Variants in PRKCH observed in about 807,000 individuals in gnomAD.
PRKCH encodes the protein protein kinase C eta, also known as protein kinase C eta type.
A neutral mutation model predicts 82.5 loss-of-function variants in PRKCH; 28 were observed. The observed-to-expected ratio is 0.34, with a 90% confidence interval of 0.25 to 0.47. The LOEUF (loss-of-function observed/expected upper bound fraction) is 0.47, where lower values mean the gene tolerates loss of function less well. Among genes scored for constraint, PRKCH ranks in the 20% least tolerant of loss-of-function variants. The pLI is 1.00. For missense variants in PRKCH, 705 were observed against 881.8 expected, an observed-to-expected ratio of 0.80 and a Z score of 2.54; for synonymous variants, 322 against 327.4, an observed-to-expected ratio of 0.98 and a Z score of 0.18.
chr14:61,275,060 G>A (rs1009752052), intron 1 of PRKCH, among the ~76,000 whole-genome samples: 1 of 152,112 alleles, frequency 6.6e-6, no homozygotes, highest in African/African-American at 2.4e-5. Flanking sequence ...AATAGGAAAT[G>A]TTTCCTTTCC....
chr14:61,316,962 A>AAAGTG (rs530354019), upstream of PRKCH, among the ~76,000 whole-genome samples: 2 of 152,272 alleles, frequency 1.3e-5, no homozygotes, highest in South Asian at 4.2e-4. Context: ...AAGGAGACAA[A>AAAGTG]AAGTGCTTGA....
chr14:61,259,858 G>A (rs1395121424), intron 1 of PRKCH, among the ~76,000 whole-genome samples: 1 of 152,082 alleles, frequency 6.6e-6, no homozygotes, highest in African/African-American at 2.4e-5. Flanking sequence ...ATGTCTGAAA[G>A]GTTAAAATCA....
chr14:61,548,476 G>A (rs984163605), intron 13 of PRKCH, among the ~76,000 whole-genome samples: 1 of 152,204 alleles, frequency 6.6e-6, no homozygotes, highest in African/African-American at 2.4e-5. Context: ...GCGTGGTCCC[G>A]CTTGTGGTCT....
chr14:61,478,147 T>G (rs1346609636), intron 9 of PRKCH, among the ~76,000 whole-genome samples: 1 of 152,252 alleles, frequency 6.6e-6, no homozygotes, highest in Non-Finnish European at 1.5e-5. Context: ...TGCTAACATT[T>G]CTTGAGCATT....
intron 1 of PRKCH, among the ~76,000 whole-genome samples, chr14:61,227,647 C>A (rs1368991754): frequency 6.6e-6 from 1 of 151,894 alleles, no homozygotes; most frequent in Non-Finnish European, 1.5e-5. Context: ...GGGTTAAATG[C>A]GAACATTTTT....
intron 1 of PRKCH, among the ~76,000 whole-genome samples, chr14:61,207,336 T>C (rs943909150): frequency 2.0e-5 from 3 of 152,144 alleles, no homozygotes; most frequent in African/African-American, 7.2e-5. Context: ...TTCTACTTCC[T>C]GTCCCTGCTC....
At chr14:61,451,227 A>G (rs1374901529) in intron 6 of PRKCH, among the ~76,000 whole-genome samples, 2 of 152,360 alleles carry the variant, frequency 1.3e-5, no homozygotes, top group African/African-American at 4.8e-5. Flanking sequence ...GCTGACAAAT[A>G]CAGCCTAGAC....
chr14:61,413,759 C>T (rs759544803), intron 2 of PRKCH, among the ~76,000 whole-genome samples: 2 of 152,018 alleles, frequency 1.3e-5, no homozygotes, highest in Non-Finnish European at 2.9e-5. Context: ...GTTGAGAGTA[C>T]AGCCTACATA....
At chr14:61,225,129 T>C (rs1278384856) in intron 1 of PRKCH, among the ~76,000 whole-genome samples, 1 of 152,198 alleles carries the variant, frequency 6.6e-6, no homozygotes, top group Admixed American at 6.5e-5. Context: ...CTCCATTAAG[T>C]TTCAGTGGCT....
At chr14:61,532,229 A>T (rs543098512) in intron 12 of PRKCH, among the ~76,000 whole-genome samples, 1 of 152,298 alleles carries the variant, frequency 6.6e-6, no homozygotes, top group African/African-American at 2.4e-5. Context: ...CATAATTCAA[A>T]TTAAAATACT....
chr14:61,259,221 A>G (rs2045024182), intron 1 of PRKCH, among the ~76,000 whole-genome samples: 2 of 152,198 alleles, frequency 1.3e-5, no homozygotes, highest in African/African-American at 4.8e-5. Flanking sequence ...AAAAAATGAA[A>G]CAATGTGATG....
intron 2 of PRKCH, among the ~76,000 whole-genome samples, chr14:61,439,585 A>G (rs1594707617): frequency 6.6e-6 from 1 of 152,244 alleles, no homozygotes; most frequent in Non-Finnish European, 1.5e-5. Context: ...TCGTGAGAGA[A>G]GACATTGAGG....
intron 1 of PRKCH, among the ~76,000 whole-genome samples, chr14:61,355,154 C>T (rs920805202): frequency 1.3e-5 from 2 of 152,178 alleles, no homozygotes; most frequent in African/African-American, 4.8e-5. Context: ...GGATTCAATT[C>T]CAGCAAGTCA....
chr14:61,373,135 G>A (rs1201243720), intron 1 of PRKCH, among the ~76,000 whole-genome samples: 1 of 151,944 alleles, frequency 6.6e-6, no homozygotes, highest in Non-Finnish European at 1.5e-5. Context: ...CTGTGAATCT[G>A]GTTCCCAAGA....
At chr14:61,356,437 TC>T (rs1213155519) in intron 1 of PRKCH, among the ~76,000 whole-genome samples, 1 of 152,184 alleles carries the variant, frequency 6.6e-6, no homozygotes, top group Non-Finnish European at 1.5e-5. Flanking sequence ...ACTGGGATTC[TC>T]CTATGCCAAA....
rs1279567921 is a variant in PRKCH, at chr14:61,389,654, T to C, written c.364-1571T>C. The stretch of plus-strand genomic sequence containing the variant: ...AGTTCAAGGCTGCAGTGAGCTATGA[T>C]TGTGCCACTGCACTCCAGCCTGGGA... On this transcript the variant is annotated intron_variant, in intron 1 of 13. Coordinates refer to ENST00000332981, the MANE Select transcript of PRKCH (RefSeq NM_006255.5). 2.0e-5 allele frequency among the ~76,000 whole-genome samples: 3 copies of C among 151,672 alleles called. No homozygotes were observed. In the East Asian group the frequency reaches 5.8e-4, roughly 29 times the overall value.
intron 2 of PRKCH, among the ~76,000 whole-genome samples, chr14:61,440,613 C>T (rs373199215): frequency 6.2e-4 from 95 of 152,306 alleles, no homozygotes; most frequent in South Asian, 4.1e-3. Flanking sequence ...TGGTGGCTCA[C>T]GCCTGTAATC....
At chr14:61,218,270 CCTCT>C (rs2044628631) in intron 1 of PRKCH, among the ~76,000 whole-genome samples, 1 of 152,168 alleles carries the variant, frequency 6.6e-6, no homozygotes, top group Admixed American at 6.5e-5. Flanking sequence ...TTCCTCTCTC[CCTCT>C]CTCTGTCTCT....
rs551660717 is a variant in PRKCH at position 61,375,082 on chromosome 14, G to T, written c.364-16143G>T. On this transcript the variant is annotated intron_variant, in intron 1 of 13. Coordinates refer to ENST00000332981, the MANE Select transcript of PRKCH (RefSeq NM_006255.5). ...ACATCTTGAATGCTTTGCTGGTGAG[G>T]AATTTCTACTGCCAGTTACCCTAAA... 2.0e-5 allele frequency among the ~76,000 whole-genome samples: 3 copies of T among 152,136 alleles called. No homozygotes were observed. The East Asian group carries it at 5.8e-4, about 29-fold the overall frequency.
Sources: allele counts gnomAD v4.1 joint callset (sites outside exome capture counted in the v4.1 genomes callset), GRCh38; gene constraint gnomAD v4.1.1; transcripts MANE v1.5; gene names NCBI Gene and HGNC (gene_info 2026-07-23, HGNC 2026-07-21).